CIB3: variants seen among roughly 807,000 people sequenced by gnomAD.
The protein encoded by CIB3 is calcium and integrin-binding family member 3.
A neutral mutation model predicts 23.4 loss-of-function variants in CIB3; 22 were observed. The ratio of observed to expected loss-of-function variants is 0.94; its 90% CI spans 0.67 to 1.34. The LOEUF is 1.34. Ranked by LOEUF, CIB3 falls within the 40% of genes most tolerant of loss-of-function variation. The probability of loss-of-function intolerance (pLI) is 0.00; values close to 1 mark genes in which losing one functional copy is unlikely to be tolerated. For missense variants in CIB3, 258 were observed against 247.3 expected (o/e 1.04, Z -0.29); for synonymous variants, 93 against 95.8 (o/e 0.97, Z 0.17).
rs979349795 is a variant in CIB3 at position 16,169,824 on chromosome 19, G to A, written c.87-83C>T. On this transcript the variant is annotated intron_variant, in intron 2 of 5. Transcript: ENST00000269878. ...TGTCCCTTCTTTGTTTTTTGAGACA[G>A]AGTCTCGGTCTGTCACCCAGGCTGG... 36 of 1,153,762 alleles carry A rather than the reference G, an allele frequency of 3.1e-5. No homozygotes were observed. The African/African-American group carries it at 4.7e-4, about 15-fold the overall frequency. 71.5% of individuals were successfully genotyped at this position (1,153,762 alleles called of 1,614,324 possible). A position where few individuals can be genotyped will look rare whatever the true frequency, so the allele number is the denominator to read the frequency against.
chr19:16,173,283 A>G (rs2091338293), intron 1 of CIB3, 87 bp from the exon 2 acceptor site: 1 of 1,597,384 alleles, frequency 6.3e-7, no homozygotes, highest in Non-Finnish European at 8.6e-7. Flanking sequence ...ACTCACACAG[A>G]TGGCCTGATG....
At chr19:16,170,370 A>G (rs1001659552) in intron 2 of CIB3, among the ~76,000 whole-genome samples, 4 of 152,190 alleles carry the variant, frequency 2.6e-5, no homozygotes, top group African/African-American at 9.6e-5. Context: ...TCTAAAGCAG[A>G]TGGAGTTGGG....
At chr19:16,163,647 G>A (rs1464635158) in intron 5 of CIB3, among the ~76,000 whole-genome samples, 1 of 152,112 alleles carries the variant, frequency 6.6e-6, no homozygotes, top group African/African-American at 2.4e-5. Context: ...AAAATAAAGT[G>A]AAATTTAAAA....
intron 3 of CIB3, 91 bp from the exon 4 acceptor site, chr19:16,168,375 G>A: frequency 1.3e-6 from 2 of 1,519,564 alleles, no homozygotes; most frequent in South Asian, 2.5e-5. Context: ...CACCTTCTGG[G>A]AACCTCCAAG....
Position 16,168,288 on chromosome 19 carries a change from G to A in CIB3, c.199-4C>T, listed in dbSNP as rs1442959394. 9 of 1,613,406 alleles carry A rather than the reference G, an allele frequency of 5.6e-6. No homozygotes were observed. Among genetic ancestry groups the A allele is most frequent in the Non-Finnish European group, 7.6e-6 (9 of 1,179,834 alleles). Reference sequence around the variant, plus strand: ...TCCTCTGGCGGAAGGGGTTGTCCTGGGGACAGAAAGGAAGCTGGGAGGCCA... The same window carrying A: ...TCCTCTGGCGGAAGGGGTTGTCCTGAGGACAGAAAGGAAGCTGGGAGGCCA... On this transcript the variant is annotated splice_region_variant and splice_polypyrimidine_tract_variant and intron_variant, in intron 3 of 5. Coordinates refer to ENST00000269878, the MANE Select transcript of CIB3 (RefSeq NM_054113.4).
intron 3 of CIB3, among the ~76,000 whole-genome samples, chr19:16,168,853 G>C (rs1467336325): frequency 6.6e-6 from 1 of 152,130 alleles, no homozygotes; most frequent in African/African-American, 2.4e-5. Flanking sequence ...TTGTTGTTCA[G>C]GGGCAATCCA....
intron 2 of CIB3, 54 bp from the exon 3 acceptor site, chr19:16,169,795 C>A: frequency 6.9e-7 from 1 of 1,438,958 alleles, no homozygotes; most frequent in Admixed American, 2.3e-5. Flanking sequence ...GCAGGCAAGA[C>A]GCTTGTCCCT....
Position 16,173,440 on chromosome 19 carries a change from C to G in CIB3, c.36G>C (p.Gln12His). Residue 12 changes from glutamine (Q) to histidine (H), a missense_variant, in exon 1 of 6, where the codon CAG becomes CAC. Coordinates refer to ENST00000269878, the MANE Select transcript of CIB3 (RefSeq NM_054113.4). ...GNKQTVFTHE[Q>H]LEAYQDCTFF... ...CCCCCTCTACCTGATACGCTTCCAG[C>G]TGCTCGTGTGTGAAGACTGTCTGCT... The G allele has an allele frequency of 1.2e-6, 2 of 1,614,078 alleles. No individual in the cohort carries two copies. The highest frequency in any genetic ancestry group is 1.7e-6 in the Non-Finnish European group (2 of 1,179,946).
intron 5 of CIB3, 48 bp downstream of exon 5, chr19:16,164,670 C>A: frequency 6.6e-7 from 1 of 1,517,554 alleles, no homozygotes; most frequent in Non-Finnish European, 9.1e-7. Flanking sequence ...TGCGTAAGAG[C>A]CCCTTCAGAT....
chr19:16,171,004 G>C (rs1479925853), intron 2 of CIB3, among the ~76,000 whole-genome samples: 1 of 151,860 alleles, frequency 6.6e-6, no homozygotes, highest in Non-Finnish European at 1.5e-5. Context: ...CAGGCGTGGT[G>C]GTGGGCGCCT....
chr19:16,173,408 A>G lies in CIB3; in HGVS notation c.51+17T>C. The G allele has an allele frequency of 6.2e-7, 1 of 1,612,208 alleles. No homozygotes were observed. The highest frequency in any genetic ancestry group is 8.5e-7 in the Non-Finnish European group (1 of 1,178,290). On this transcript the variant is annotated intron_variant, in intron 1 of 5. Coordinates refer to ENST00000269878, the MANE Select transcript of CIB3 (RefSeq NM_054113.4). ...AAGTTGTCAAACCCACTGAGGACCC[A>G]TCCTGCCCCCCTCTACCTGATACGC... is the stretch of plus-strand genomic sequence containing the variant.
chr19:16,163,077 G>T (rs1402374725), intron 5 of CIB3, among the ~76,000 whole-genome samples: 1 of 151,396 alleles, frequency 6.6e-6, no homozygotes, highest in Non-Finnish European at 1.5e-5. Context: ...TTTTAGTAGA[G>T]ACTACTGCCT....
At chr19:16,164,626 G>A in intron 5 of CIB3, 92 bp downstream of exon 5, 16 of 1,187,218 alleles carry the variant, frequency 1.3e-5, no homozygotes, top group Non-Finnish European at 1.8e-5. Context: ...AGAATGAATA[G>A]AGGAATTTTC....
At chr19:16,162,310 G>A (rs1241233041) in intron 5 of CIB3, among the ~76,000 whole-genome samples, 1 of 150,906 alleles carries the variant, frequency 6.6e-6, no homozygotes, top group Non-Finnish European at 1.5e-5. Flanking sequence ...CGTACTCCCA[G>A]CTACTCAGGA....
At chr19:16,167,607 G>A (rs377061686) in intron 4 of CIB3, among the ~76,000 whole-genome samples, 48 of 152,156 alleles carry the variant, frequency 3.2e-4, no homozygotes, top group East Asian at 2.9e-3. Context: ...CGAGGCGGGC[G>A]GATCACCCGA....
chr19:16,173,073 C>T, intron 2 of CIB3, 89 bp downstream of exon 2: 1 of 1,485,994 alleles, frequency 6.7e-7, no homozygotes, highest in Non-Finnish European at 9.4e-7. Context: ...CACACACACA[C>T]ACACACACAC....
At chr19:16,163,266 A>T (rs376489926) in intron 5 of CIB3, among the ~76,000 whole-genome samples, 3 of 152,202 alleles carry the variant, frequency 2.0e-5, no homozygotes, top group East Asian at 3.9e-4. Flanking sequence ...CTCAAAACAA[A>T]CAAACGGGCT....
chr19:16,168,111 T>A, intron 4 of CIB3, 26 bp downstream of exon 4: 1 of 1,587,498 alleles, frequency 6.3e-7, no homozygotes, highest in South Asian at 1.1e-5. Context: ...TCCCCATGCT[T>A]CCCAACCCCA....
At chr19:16,167,630 G>A (rs981487630) in intron 4 of CIB3, among the ~76,000 whole-genome samples, 19 of 151,966 alleles carry the variant, frequency 1.3e-4, no homozygotes, top group Non-Finnish European at 2.8e-4. Flanking sequence ...TCAAGAGTTC[G>A]AGACAAGCCT....
Sources: gnomAD v4.1 joint callset for allele counts (sites outside exome capture counted in the v4.1 genomes callset) on GRCh38, gnomAD v4.1.1 for gene constraint, MANE v1.5 for transcripts, NCBI Gene and HGNC (gene_info 2026-07-23, HGNC 2026-07-21) for gene names.